The following KCNJ6 variants were observed in gnomAD, a reference collection of about 807,000 sequenced individuals.
KCNJ6 encodes the protein potassium inwardly rectifying channel subfamily J member 6.
KCNJ6 carries 9 observed loss-of-function variants against 34.2 expected under a neutral mutation model. The ratio of observed to expected loss-of-function variants is 0.26; its 90% CI spans 0.16 to 0.46. KCNJ6 has a LOEUF of 0.46. KCNJ6 is among the 20% of genes least tolerant of loss of function. The pLI is 1.00. For missense variants in KCNJ6, 236 were observed against 531.3 expected (o/e 0.44, Z 5.46); for synonymous variants, 196 against 207.1 (o/e 0.95, Z 0.46).
At chr21:37,655,213 GTGTGTGTGTGT>G (rs1569438835) in intron 3 of KCNJ6, among the ~76,000 whole-genome samples, 1 of 54,488 alleles carries the variant, frequency 1.8e-5, no homozygotes, top group African/African-American at 5.3e-5. Context: ...GTGTGTGTGT[GTGTGTGTGTGT>G]GAGAGAGAGA....
chr21:37,739,424 C>T (rs775730219), intron 2 of KCNJ6, among the ~76,000 whole-genome samples: 7 of 152,034 alleles, frequency 4.6e-5, no homozygotes, highest in Non-Finnish European at 7.4e-5. Flanking sequence ...AAAAGGGCTG[C>T]TTATTAGGGG....
chr21:37,859,223 A>G (rs2055580298), intron 1 of KCNJ6, among the ~76,000 whole-genome samples: 1 of 151,992 alleles, frequency 6.6e-6, no homozygotes, highest in Non-Finnish European at 1.5e-5. Flanking sequence ...ATACATTGTT[A>G]AGTAAAAAAG....
At chr21:37,828,057 C>A (rs993056373) in intron 2 of KCNJ6, among the ~76,000 whole-genome samples, 4 of 152,164 alleles carry the variant, frequency 2.6e-5, no homozygotes, top group African/African-American at 7.2e-5. Flanking sequence ...ACCTGATAAG[C>A]ACTACACCCT....
intron 2 of KCNJ6, among the ~76,000 whole-genome samples, chr21:37,840,043 C>G (rs1438867965): frequency 6.6e-6 from 1 of 152,322 alleles, no homozygotes; most frequent in Admixed American, 6.5e-5. Flanking sequence ...AAGTGATCTG[C>G]CCGCCTCAGC....
At chr21:37,854,266 TA>T (rs1238351433) in intron 1 of KCNJ6, among the ~76,000 whole-genome samples, 1 of 151,668 alleles carries the variant, frequency 6.6e-6, no homozygotes, top group Non-Finnish European at 1.5e-5. Context: ...AGCATTAATT[TA>T]AAAAAAGTAT....
chr21:37,716,420 C>G (rs1481670927), intron 2 of KCNJ6, among the ~76,000 whole-genome samples: 2 of 149,846 alleles, frequency 1.3e-5, no homozygotes, highest in African/African-American at 4.9e-5. Flanking sequence ...CGCTCTGCCA[C>G]CCAGGCTAGA....
chr21:37,795,757 AC>A (rs35732664), intron 2 of KCNJ6, among the ~76,000 whole-genome samples: 29 of 139,856 alleles, frequency 2.1e-4, no homozygotes, highest in South Asian at 6.9e-4. Context: ...ACAAAAAAAA[AC>A]CCTGCCACAT....
At chr21:37,740,395 T>C (rs1175783173) in intron 2 of KCNJ6, among the ~76,000 whole-genome samples, 2 of 152,196 alleles carry the variant, frequency 1.3e-5, no homozygotes, top group Non-Finnish European at 2.9e-5. Context: ...CCACATCTCT[T>C]ATCGCAACCT....
At chr21:37,634,655 ATAT>A (rs56339211) in intron 3 of KCNJ6, among the ~76,000 whole-genome samples, 26,055 of 152,098 alleles carry the variant, frequency 0.17, 2,579 homozygotes, top group East Asian at 0.36. Flanking sequence ...TAGAAACATA[ATAT>A]TCCACAAAAA....
chr21:37,847,800 G>A (rs969824339), intron 1 of KCNJ6, among the ~76,000 whole-genome samples: 5 of 149,268 alleles, frequency 3.3e-5, no homozygotes, highest in Non-Finnish European at 7.4e-5. Context: ...AGGAGGGGGA[G>A]AAACAGAATA....
chr21:37,735,721 A>G (rs2054909300), intron 2 of KCNJ6, among the ~76,000 whole-genome samples: 1 of 152,224 alleles, frequency 6.6e-6, no homozygotes, highest in African/African-American at 2.4e-5. Flanking sequence ...CAGAGGACAC[A>G]GGGACACCTG....
intron 2 of KCNJ6, among the ~76,000 whole-genome samples, chr21:37,833,390 A>G (rs556401331): frequency 8.5e-5 from 13 of 152,114 alleles, no homozygotes; most frequent in African/African-American, 3.1e-4. Flanking sequence ...CCAAACACAG[A>G]GTGGAATTGT....
intron 2 of KCNJ6, among the ~76,000 whole-genome samples, chr21:37,821,335 G>A (rs759131085): frequency 1.3e-5 from 2 of 152,088 alleles, no homozygotes; most frequent in Non-Finnish European, 2.9e-5. Flanking sequence ...AGGAAATCCT[G>A]TACTCACTTA....
chr21:37,834,558 T>C lies in KCNJ6; in HGVS notation c.25+6100A>G, dbSNP rs188012291. Among the ~76,000 whole-genome samples, 75 of 152,354 alleles carry C rather than the reference T, an allele frequency of 4.9e-4. 1 individual carries two copies. In the Middle Eastern group the frequency reaches 0.01, roughly 21 times the overall value. On this transcript the variant is annotated intron_variant, in intron 2 of 3. Coordinates refer to ENST00000609713, the MANE Select transcript of KCNJ6 (RefSeq NM_002240.5). ...GCGCCTGGTGCAGGCAGGAACCCCA[T>C]CTTTTTGTCTTTCTGTGCCTTAACA...
intron 3 of KCNJ6, among the ~76,000 whole-genome samples, chr21:37,658,393 A>T (rs975188577): frequency 1.3e-5 from 2 of 152,242 alleles, no homozygotes; most frequent in Non-Finnish European, 2.9e-5. Context: ...GCAGCCATTT[A>T]AAATGGGTCC....
At chr21:37,783,694 ATGAAT>A (rs762921904) in intron 2 of KCNJ6, among the ~76,000 whole-genome samples, 16 of 152,196 alleles carry the variant, frequency 1.1e-4, no homozygotes, top group Non-Finnish European at 1.9e-4. Flanking sequence ...TGCTTTTGTC[ATGAAT>A]TGAATGTTCA....
intron 1 of KCNJ6, among the ~76,000 whole-genome samples, chr21:37,850,668 C>A (rs905563910): frequency 3.9e-5 from 6 of 152,076 alleles, no homozygotes; most frequent in African/African-American, 1.4e-4. Context: ...CCCGGCCCAG[C>A]AGCTTGACCC....
chr21:37,781,070 G>A (rs560253244), intron 2 of KCNJ6, among the ~76,000 whole-genome samples: 1 of 152,254 alleles, frequency 6.6e-6, no homozygotes, highest in Non-Finnish European at 1.5e-5. Context: ...TTCCTATGTC[G>A]AGTCTATTGC....
chr21:37,815,931 A>T (rs1338912476), intron 2 of KCNJ6, among the ~76,000 whole-genome samples: 3 of 152,212 alleles, frequency 2.0e-5, no homozygotes, highest in African/African-American at 7.2e-5. Context: ...ACAAGCGCTA[A>T]GAGTGCATCT....
Sources: gnomAD v4.1 joint callset for allele counts (sites outside exome capture counted in the v4.1 genomes callset) on GRCh38, gnomAD v4.1.1 for gene constraint, MANE v1.5 for transcripts, NCBI Gene and HGNC (gene_info 2026-07-23, HGNC 2026-07-21) for gene names.